Variants in ALPK2 observed in about 807,000 individuals in gnomAD.
ALPK2 encodes the protein alpha kinase 2.
Under a neutral mutation model 163.1 loss-of-function variants are expected in ALPK2, and 127 were observed. That is an observed-to-expected ratio of 0.78 (90% CI 0.67 to 0.90). The LOEUF is 0.90. ALPK2 is among the 40% of genes least tolerant of loss of function. ALPK2 has a pLI of 0.00. For missense variants in ALPK2, 2,360 were observed against 2,589.6 expected, an observed-to-expected ratio of 0.91 and a Z score of 1.92; for synonymous variants, 953 against 959.1, an observed-to-expected ratio of 0.99 and a Z score of 0.12.
intron 2 of ALPK2, among the ~76,000 whole-genome samples, chr18:58,608,400 G>A (rs990934455): frequency 1.3e-5 from 2 of 152,134 alleles, no homozygotes; most frequent in African/African-American, 4.8e-5. Flanking sequence ...TAAAACCTCC[G>A]GGAATTTCAT....
At chr18:58,520,998 AGAGT>A (rs1196561534) in intron 8 of ALPK2, among the ~76,000 whole-genome samples, 7 of 152,256 alleles carry the variant, frequency 4.6e-5, no homozygotes, top group Non-Finnish European at 7.3e-5. Flanking sequence ...CCTGGATGAA[AGAGT>A]GAGACCCTGT....
intron 3 of ALPK2, among the ~76,000 whole-genome samples, chr18:58,590,555 A>T (rs2052010097): frequency 6.6e-6 from 1 of 152,198 alleles, no homozygotes; most frequent in South Asian, 2.1e-4. Context: ...GAAAGTCATC[A>T]TTATTTTCTT....
chr18:58,541,816 C>T (rs1034416518), intron 4 of ALPK2, among the ~76,000 whole-genome samples: 1 of 152,180 alleles, frequency 6.6e-6, no homozygotes, highest in African/African-American at 2.4e-5. Context: ...TTTGTACTTG[C>T]TTACGGCATC....
At chr18:58,578,733 G>GACAGACACACACACACACACAC in intron 4 of ALPK2, 81 bp downstream of exon 4, 1 of 530,150 alleles carries the variant, frequency 1.9e-6, no homozygotes, top group Non-Finnish European at 3.1e-6. Context: ...TAAAGGAAGA[G>GACAGACACACACACACACACAC]ACACACACAC....
rs745822648 is a variant in ALPK2 at position 58,579,130 on chromosome 18, G to A, written c.1646C>T (p.Pro549Leu). ...TGTACTTTCTCTCAGGTTGGCATTC[G>A]GCTTCTTGGGATTTCCCTTCATTCC... The part of the protein sequence containing the change: ...QPGMKGNPKK[P>L]NANLRESTTE... Residue 549 changes from proline (P) to leucine (L), a missense_variant, in exon 4 of 13, where the codon CCG (proline) becomes CTG (leucine). Physicochemically the swap from Pro to Leu is moderately conservative, Grantham distance 98. Coordinates refer to ENST00000361673, the MANE Select transcript of ALPK2 (RefSeq NM_052947.4). 24 of 1,614,090 alleles carry A rather than the reference G, an allele frequency of 1.5e-5. 1 individual carries two copies. Among genetic ancestry groups the A allele is most frequent in the Middle Eastern group, 3.3e-4 (2 of 6,062 alleles).
intron 8 of ALPK2, among the ~76,000 whole-genome samples, chr18:58,522,339 A>G (rs982446390): frequency 4.0e-5 from 6 of 151,854 alleles, no homozygotes; most frequent in African/African-American, 1.5e-4. Flanking sequence ...AACTTCCCCA[A>G]CCCTCAGCAT....
At chr18:58,521,627 CTT>C (rs398033036) in intron 8 of ALPK2, among the ~76,000 whole-genome samples, 58 of 55,384 alleles carry the variant, frequency 1.0e-3, no homozygotes, top group East Asian at 9.7e-3. Context: ...TTCTCTCTCT[CTT>C]TTTTTTTTTT....
chr18:58,604,305 A>G (rs1439543578), intron 3 of ALPK2, among the ~76,000 whole-genome samples: 1 of 152,240 alleles, frequency 6.6e-6, no homozygotes, highest in Non-Finnish European at 1.5e-5. Context: ...TAATATTATA[A>G]CTAACAGCTA....
rs766810933 is a variant in ALPK2 at position 58,482,004 on chromosome 18, A to G, written c.6332T>C (p.Phe2111Ser). ...GTGTAGTGCTTTAAACTGATCAATG[A>G]AGGTCATGGAACAGTTGCCTTTAAA... Reference protein sequence around the residue: ...KGFKGNCSMTFIDQFKALHQC... With the variant: ...KGFKGNCSMTSIDQFKALHQC... Residue 2111 changes from phenylalanine to serine, a missense_variant, in exon 13 of 13, where the codon TTC (phenylalanine) becomes TCC (serine). Transcript: ENST00000361673. The G allele has an allele frequency of 6.2e-7, 1 of 1,614,170 alleles. No individual in the cohort carries two copies. The highest frequency in any genetic ancestry group is 8.5e-7 in the Non-Finnish European group (1 of 1,180,016).
In ALPK2 at chr18:58,580,821, T is replaced by C. The variant is rs1005991574; in HGVS notation, c.228-273A>G. The C allele has an allele frequency of 1.1e-5, 5 of 435,560 alleles. No individual in the cohort carries two copies. The Admixed American group carries it at 1.9e-4, about 17-fold the overall frequency. 27.0% of individuals were successfully genotyped at this position (435,560 alleles called of 1,614,324 possible). ...ATGCTGAGGATTGCACCATGACAGT[T>C]TACAAATGCCATGGCAGGGTCAGGA... On this transcript the variant is annotated intron_variant, in intron 3 of 12. Transcript: ENST00000361673.
At chr18:58,590,131 G>A (rs2052007332) in intron 3 of ALPK2, among the ~76,000 whole-genome samples, 1 of 150,734 alleles carries the variant, frequency 6.6e-6, no homozygotes, top group South Asian at 2.1e-4. Flanking sequence ...TGAGGCAGGA[G>A]AGTCGCTTGA....
rs1170299501 is a variant in ALPK2, at chr18:58,579,195, G to A, written c.1581C>T (p.Ser527=). ...DKRVGGKDLW[S]KRGSRKSARV... ...TGGCAGATTTCCTTGAACCCCTCTT[G>A]CTCCATAAGTCCTTTCCCCCCACTC... is the stretch of plus-strand genomic sequence containing the variant. Residue 527 remains serine (S), a synonymous_variant, in exon 4 of 13, where the codon AGC becomes AGT. Transcript: ENST00000361673. The A allele has an allele frequency of 6.2e-7, 1 of 1,614,044 alleles. No individual in the cohort carries two copies. Among genetic ancestry groups the A allele is most frequent in the South Asian group, 1.1e-5 (1 of 91,070 alleles).
chr18:58,560,288 C>G (rs182395066), intron 4 of ALPK2, among the ~76,000 whole-genome samples: 2 of 152,350 alleles, frequency 1.3e-5, no homozygotes, highest in Admixed American at 6.5e-5. Context: ...CTTGCTCCTC[C>G]TTGCCTTCTC....
chr18:58,580,639 C>G (rs1336357949), intron 3 of ALPK2, 91 bp from the exon 4 acceptor site: 1 of 1,148,960 alleles, frequency 8.7e-7, no homozygotes, highest in African/African-American at 1.5e-5. Flanking sequence ...AAATGACCAT[C>G]ATTTTACTGC....
chr18:58,516,858 A>G, intron 9 of ALPK2, 50 bp downstream of exon 9: 1 of 1,584,236 alleles, frequency 6.3e-7, no homozygotes, highest in Non-Finnish European at 8.6e-7. Context: ...TCGTCTTATC[A>G]TGGGTGGTTC....
At chr18:58,548,430 C>T (rs564804101) in intron 4 of ALPK2, among the ~76,000 whole-genome samples, 20 of 151,994 alleles carry the variant, frequency 1.3e-4, no homozygotes, top group Admixed American at 1.0e-3. Context: ...AAGTGATTCT[C>T]CTGCCTCAGC....
intron 11 of ALPK2, among the ~76,000 whole-genome samples, chr18:58,501,245 C>G (rs527999852): frequency 6.6e-6 from 1 of 152,238 alleles, no homozygotes; most frequent in Admixed American, 6.5e-5. Flanking sequence ...GTGAAACTAA[C>G]TGTGCATGAA....
rs192094284 is a variant in ALPK2 at position 58,510,978 on chromosome 18, A to G, written c.6029+4015T>C. ...TGTCTTATGCCAGTTTTCAAAGGGA[A>G]TGCTTCCAGTTTTTGCCCATTCAGT... On this transcript the variant is annotated intron_variant, in intron 10 of 12. Coordinates refer to ENST00000361673, the MANE Select transcript of ALPK2 (RefSeq NM_052947.4). Among the ~76,000 whole-genome samples, 171 of 152,310 alleles carry G rather than the reference A, an allele frequency of 1.1e-3. 2 individuals are homozygous for G. The highest frequency in any genetic ancestry group is 3.9e-3 in the African/African-American group (162 of 41,548).
chr18:58,607,625 C>A (rs9958236), intron 2 of ALPK2, among the ~76,000 whole-genome samples, 186 bp from the exon 3 acceptor site: 7,634 of 152,146 alleles, frequency 0.05, 372 homozygotes, highest in African/African-American at 0.13. Context: ...TCAGCAGACA[C>A]TATTGAGCAT....
Sources: allele counts gnomAD v4.1 joint callset (sites outside exome capture counted in the v4.1 genomes callset), GRCh38; gene constraint gnomAD v4.1.1; transcripts MANE v1.5; gene names NCBI Gene and HGNC (gene_info 2026-07-23, HGNC 2026-07-21).